Variants in AKT3 observed in about 807,000 individuals in gnomAD.
The protein encoded by AKT3 is RAC-gamma serine/threonine-protein kinase.
In AKT3, 15 loss-of-function variants were observed where a neutral mutation model predicts 65.3. The ratio of observed to expected loss-of-function variants is 0.23; its 90% CI spans 0.15 to 0.35. The LOEUF is 0.35. AKT3 is among the 10% of genes least tolerant of loss of function. The pLI is 1.00. For missense variants in AKT3, 243 were observed against 576.5 expected (o/e 0.42, Z 5.92); for synonymous variants, 206 against 183.8 (o/e 1.12, Z -0.98).
intron 2 of AKT3, among the ~76,000 whole-genome samples, chr1:243,733,403 G>C (rs1687671000): frequency 6.6e-6 from 1 of 152,148 alleles, no homozygotes; most frequent in Non-Finnish European, 1.5e-5. Flanking sequence ...TAAATAAAAA[G>C]TAGTGCTACA....
Position 243,667,317 on chromosome 1 carries a change from A to G in AKT3, c.173-2434T>C, listed in dbSNP as rs1318079866. Among the ~76,000 whole-genome samples the G allele has an allele frequency of 2.0e-5, 3 of 152,178 alleles. 1 individual carries two copies. Among genetic ancestry groups the G allele is most frequent in the Non-Finnish European group, 4.4e-5 (3 of 68,010 alleles). On this transcript the variant is annotated intron_variant, in intron 3 of 13. Transcript: ENST00000673466. ...AGACAGAAACTGTGCTCTGGGAGACATCTGAACATGTCCGAACGTGAACTC... is the reference window on the plus strand; with the variant it reads ...AGACAGAAACTGTGCTCTGGGAGACGTCTGAACATGTCCGAACGTGAACTC...
intron 2 of AKT3, among the ~76,000 whole-genome samples, chr1:243,785,063 ATTTT>A (rs764079943): frequency 6.7e-5 from 9 of 134,886 alleles, no homozygotes; most frequent in Non-Finnish European, 1.3e-4. Flanking sequence ...GTCCAACTCA[ATTTT>A]TTTTTTTTTT....
In AKT3 at chr1:243,503,743, T is replaced by A. The variant is rs756210255; in HGVS notation, c.*1506A>T. ...TTTTTGTTGTTTTTTCCCTGATGGC[T>A]TAATTCAGTGATAAATGTACCATGA... On this transcript the variant is annotated 3_prime_UTR_variant, in exon 14 of 14. Transcript: ENST00000673466. 2.2e-5 allele frequency: 5 copies of A among 231,616 alleles called. No individual in the cohort carries two copies. Among genetic ancestry groups the A allele is most frequent in the Non-Finnish European group, 3.4e-5 (4 of 116,896 alleles). The allele number at this position is 231,616 out of a possible 1,614,324, so 14.3% of individuals were successfully genotyped here.
intron 13 of AKT3, among the ~76,000 whole-genome samples, chr1:243,491,535 G>A (rs771568353): frequency 6.6e-6 from 1 of 152,214 alleles, no homozygotes; most frequent in Non-Finnish European, 1.5e-5. Flanking sequence ...ATCCAGGTTT[G>A]CAAGCTCTCT....
intron 11 of AKT3, chr1:243,547,080 TCTAAACAGTCAA>T (rs796929130): frequency 8.5e-5 from 13 of 152,236 alleles, no homozygotes; most frequent in African/African-American, 3.1e-4. Flanking sequence ...TTCTCTTAAG[TCTAAACAGTCAA>T]CAAAACAGTA....
intron 12 of AKT3, among the ~76,000 whole-genome samples, chr1:243,516,409 G>A (rs545122843): frequency 1.2e-4 from 18 of 152,050 alleles, no homozygotes; most frequent in Non-Finnish European, 2.5e-4. Flanking sequence ...CAATTTTAAT[G>A]ATCTTCTCAA....
intron 2 of AKT3, among the ~76,000 whole-genome samples, chr1:243,750,408 T>TACACACACAC (rs56210876): frequency 2.7e-5 from 4 of 149,288 alleles, no homozygotes; most frequent in African/African-American, 7.4e-5. Flanking sequence ...CATGCACGTA[T>TACACACACAC]ACACACACAC....
At chr1:243,750,751 T>A (rs902839670) in intron 2 of AKT3, among the ~76,000 whole-genome samples, 1 of 151,878 alleles carries the variant, frequency 6.6e-6, no homozygotes, top group Non-Finnish European at 1.5e-5. Flanking sequence ...CTGGCTAATT[T>A]TGGTATTTTT....
intron 12 of AKT3, among the ~76,000 whole-genome samples, chr1:243,519,908 T>C (rs891818062): frequency 1.3e-5 from 2 of 152,252 alleles, no homozygotes; most frequent in Admixed American, 6.5e-5. Context: ...GTATCATGGC[T>C]TACAAAAGTG....
At chr1:243,667,633 A>G (rs1682889423) in intron 3 of AKT3, among the ~76,000 whole-genome samples, 1 of 152,094 alleles carries the variant, frequency 6.6e-6, no homozygotes, top group Non-Finnish European at 1.5e-5. Context: ...CCTGCCCCTC[A>G]CTGCAGTCTG....
intron 2 of AKT3, among the ~76,000 whole-genome samples, chr1:243,824,546 A>T (rs1226224387): frequency 1.3e-5 from 2 of 152,224 alleles, no homozygotes; most frequent in Admixed American, 1.3e-4. Flanking sequence ...CAAAGACCTT[A>T]AACAAATTTT....
chr1:243,693,283 T>C lies in AKT3; in HGVS notation c.172+2308A>G, dbSNP rs1684837801. Among the ~76,000 whole-genome samples the C allele has an allele frequency of 3.6e-5, 4 of 111,288 alleles. No individual in the cohort carries two copies. In the South Asian group the frequency reaches 1.3e-3, roughly 35 times the overall value. 73.0% of individuals were successfully genotyped at this position (111,288 alleles called of 152,430 possible). ...ATATATATATATATATATATATATA[T>C]ATATATATATAACATTTCCCAACAT... On this transcript the variant is annotated intron_variant, in intron 3 of 13. Coordinates refer to ENST00000673466, the MANE Select transcript of AKT3 (RefSeq NM_005465.7).
chr1:243,794,876 A>G (rs1691855671), intron 2 of AKT3, among the ~76,000 whole-genome samples: 1 of 152,202 alleles, frequency 6.6e-6, no homozygotes, highest in African/African-American at 2.4e-5. Context: ...CAGCTCTGCT[A>G]AATTCTGTTA....
At chr1:243,601,624 G>C (rs1023824033) in intron 8 of AKT3, among the ~76,000 whole-genome samples, 1 of 152,056 alleles carries the variant, frequency 6.6e-6, no homozygotes, top group Admixed American at 6.6e-5. Flanking sequence ...GAATATTCAC[G>C]AGCTTTTATT....
At chr1:243,529,868 G>C (rs1275679478) in intron 12 of AKT3, among the ~76,000 whole-genome samples, 1 of 151,944 alleles carries the variant, frequency 6.6e-6, no homozygotes, top group African/African-American at 2.4e-5. Context: ...GAATAGCACT[G>C]AATCTGTAAA....
rs888345397 is a variant in AKT3, at chr1:243,619,785, T to C, written c.562-4624A>G. ...GATTACATATTTTGGCTGTTGTGAA[T>C]AGTGCTGCAATAAACCTAAGGGTGT... On this transcript the variant is annotated intron_variant, in intron 6 of 13. Transcript: ENST00000673466. 9.1e-5 allele frequency among the ~76,000 whole-genome samples: 9 copies of C among 98,938 alleles called. 1 individual carries two copies. Among genetic ancestry groups the C allele is most frequent in the African/African-American group, 2.4e-4 (9 of 38,292 alleles). The allele number at this position is 98,938 out of a possible 152,430, so 64.9% of individuals were successfully genotyped here.
At chr1:243,672,581 T>C (rs1008717405) in intron 3 of AKT3, among the ~76,000 whole-genome samples, 5 of 152,356 alleles carry the variant, frequency 3.3e-5, no homozygotes, top group South Asian at 2.1e-4. Flanking sequence ...CTCTAGAAGA[T>C]GTTTTTCACT....
At chr1:243,848,059 A>C (rs1422951260) in intron 1 of AKT3, among the ~76,000 whole-genome samples, 2 of 152,206 alleles carry the variant, frequency 1.3e-5, no homozygotes, top group Non-Finnish European at 2.9e-5. Context: ...CTGCAAAACC[A>C]CAATGCAAAT....
At chr1:243,680,935 G>GAC (rs1465422652) in intron 3 of AKT3, among the ~76,000 whole-genome samples, 20 of 152,102 alleles carry the variant, frequency 1.3e-4, no homozygotes, top group Admixed American at 1.0e-3. Context: ...GATACAGACA[G>GAC]ACAGACTAGT....
Sources: allele counts gnomAD v4.1 joint callset (sites outside exome capture counted in the v4.1 genomes callset), GRCh38; gene constraint gnomAD v4.1.1; transcripts MANE v1.5; gene names NCBI Gene and HGNC (gene_info 2026-07-23, HGNC 2026-07-21).